ZNF713: variants seen among roughly 807,000 people sequenced by gnomAD.
ZNF713 encodes zinc finger protein 713.
ZNF713 carries 21 observed loss-of-function variants against 28.7 expected under a neutral mutation model. That is an observed-to-expected ratio of 0.73 (90% confidence interval 0.52 to 1.05). The LOEUF (loss-of-function observed/expected upper bound fraction) is 1.05. Among genes scored for constraint, ZNF713 ranks in the 50% least tolerant of loss-of-function variants. ZNF713 has a pLI of 0.00. For synonymous variants in ZNF713, 167 were observed against 178.0 expected (o/e 0.94, Z 0.49); for missense variants, 458 against 532.4 (o/e 0.86, Z 1.37).
chr7:55,919,490 G>GTTTTTTTTGTTTTTTTTT (rs1785945405), intron 4 of ZNF713, among the ~76,000 whole-genome samples: 4 of 66,772 alleles, frequency 6.0e-5, no homozygotes, highest in African/African-American at 2.0e-4. Context: ...AAACACTCCA[G>GTTTTTTTTGTTTTTTTTT]TTTTTTTTTT....
chr7:55,933,474 T>C (rs1382687624), intron 6 of ZNF713, among the ~76,000 whole-genome samples: 1 of 151,746 alleles, frequency 6.6e-6, no homozygotes, highest in African/African-American at 2.4e-5. Context: ...TTTTTGTATT[T>C]TTAGTAGAGA....
At chr7:55,916,301 ATTC>A (rs1480033506) in intron 4 of ZNF713, among the ~76,000 whole-genome samples, 1 of 152,182 alleles carries the variant, frequency 6.6e-6, no homozygotes, top group East Asian at 1.9e-4. Context: ...TCCTGGCCTC[ATTC>A]TTCTTCCTTA....
intron 4 of ZNF713, among the ~76,000 whole-genome samples, chr7:55,922,487 G>A (rs1306700130): frequency 6.6e-6 from 1 of 150,902 alleles, no homozygotes; most frequent in Non-Finnish European, 1.5e-5. Context: ...GCAGTGAGCC[G>A]AGATTGCGGC....
intron 6 of ZNF713, among the ~76,000 whole-genome samples, chr7:55,932,885 C>T (rs1484463528): frequency 1.8e-4 from 5 of 28,010 alleles, no homozygotes; most frequent in Non-Finnish European, 2.2e-4. Flanking sequence ...AGCGAGACTC[C>T]GTCTCAAAAA....
chr7:55,902,180 G>A (rs775719003), intron 1 of ZNF713, among the ~76,000 whole-genome samples: 2 of 151,868 alleles, frequency 1.3e-5, no homozygotes, highest in Non-Finnish European at 2.9e-5. Context: ...GACAGAGTGA[G>A]ACTCCATCTC....
intron 2 of ZNF713, among the ~76,000 whole-genome samples, chr7:55,908,625 T>C (rs1352034797): frequency 1.3e-5 from 2 of 152,084 alleles, no homozygotes; most frequent in Admixed American, 1.3e-4. Context: ...GAGTTCCTTG[T>C]AGATTCTAGA....
At chr7:55,913,373 T>C (rs1287267600) in intron 4 of ZNF713, among the ~76,000 whole-genome samples, 1 of 151,870 alleles carries the variant, frequency 6.6e-6, no homozygotes, top group Non-Finnish European at 1.5e-5. Context: ...GGCCAATTTT[T>C]TGTATTTTTA....
intron 4 of ZNF713, among the ~76,000 whole-genome samples, chr7:55,920,756 C>CTTTATTTA (rs139275645): frequency 1.0e-3 from 153 of 149,030 alleles, no homozygotes; most frequent in South Asian, 3.8e-3. Context: ...CCATCTAGGA[C>CTTTATTTA]TTTATTTATT....
intron 1 of ZNF713, among the ~76,000 whole-genome samples, chr7:55,888,733 A>ACGTACATACGTG (rs1785324901): frequency 7.5e-6 from 1 of 132,900 alleles, no homozygotes; most frequent in South Asian, 2.7e-4. Context: ...GAATACATAT[A>ACGTACATACGTG]CGTACATACA....
At chr7:55,901,378 C>T (rs1785573588) in intron 1 of ZNF713, among the ~76,000 whole-genome samples, 1 of 152,152 alleles carries the variant, frequency 6.6e-6, no homozygotes, top group Admixed American at 6.6e-5. Flanking sequence ...AGTTACCTCC[C>T]ACTGGGTCCC....
rs1786423824 is a variant in ZNF713, at chr7:55,939,646, T to C, written c.972T>C (p.Arg324=). The C allele has an allele frequency of 6.2e-7, 1 of 1,614,180 alleles. No homozygotes were observed. The highest frequency in any genetic ancestry group is 1.1e-5 in the South Asian group (1 of 91,082). The change falls in exon 7 of 7, where the codon CGT becomes CGC. Residue 324 remains arginine, a synonymous_variant. Transcript: ENST00000429591. ...GCAATGGATGTGGGAAAGCCTTCCG[T>C]CAGCATTCATCCTTTACTCAACATC... ...FICNGCGKAF[R]QHSSFTQHLR... is the part of the protein sequence containing the mutation.
At chr7:55,938,880 T>G (rs1351114523) in intron 6 of ZNF713, 102 bp from the exon 7 acceptor site, 8 of 1,233,460 alleles carry the variant, frequency 6.5e-6, no homozygotes, top group Admixed American at 5.0e-5. Flanking sequence ...TACACATTAC[T>G]GTCAGTTTTA....
intron 4 of ZNF713, among the ~76,000 whole-genome samples, chr7:55,921,126 A>G (rs1221613571): frequency 6.6e-6 from 1 of 152,186 alleles, no homozygotes; most frequent in Non-Finnish European, 1.5e-5. Flanking sequence ...GCATGACAGC[A>G]TACCTGTTTA....
At chr7:55,887,894 GGCGGC>G in intron 1 of ZNF713, among the ~76,000 whole-genome samples, 1 of 113,136 alleles carries the variant, frequency 8.8e-6, no homozygotes, top group East Asian at 2.5e-4. Flanking sequence ...GGCGGGCGGC[GGCGGC>G]GGCGGGAGGC....
At chr7:55,931,248 T>C (rs982729491) in intron 6 of ZNF713, among the ~76,000 whole-genome samples, 9 of 151,936 alleles carry the variant, frequency 5.9e-5, no homozygotes, top group African/African-American at 2.2e-4. Flanking sequence ...ATCACGTCAT[T>C]GCTCTCCAGC....
chr7:55,940,240 A>G lies in ZNF713; in HGVS notation c.*234A>G. ...TGGGTTCAAGCGATTCTCCTGCCTC[A>G]GCCTCCTGAGTAGCTGGGACCACAG... On this transcript the variant is annotated 3_prime_UTR_variant, in exon 7 of 7. Coordinates refer to ENST00000429591, the MANE Select transcript of ZNF713 (RefSeq NM_182633.3). 3.0e-6 allele frequency: 2 copies of G among 675,074 alleles called. No individual in the cohort carries two copies. Among genetic ancestry groups the G allele is most frequent in the East Asian group, 4.2e-5 (1 of 23,684 alleles). The allele number at this position is 675,074 out of a possible 1,614,324, so 41.8% of individuals were successfully genotyped here.
intron 1 of ZNF713, among the ~76,000 whole-genome samples, chr7:55,896,019 G>A (rs1319892717): frequency 6.6e-6 from 1 of 152,096 alleles, no homozygotes; most frequent in Non-Finnish European, 1.5e-5. Flanking sequence ...CAAGAGACGA[G>A]AGAGAATGAG....
In ZNF713 at chr7:55,904,531, G is replaced by A. The variant is rs1785642635; in HGVS notation, c.-582-1722G>A. ...ATGAACAACAACATAAAGGTTTTTG[G>A]TGGTCATAACCAGAGCAGTTTCAGC... On this transcript the variant is annotated intron_variant, in intron 1 of 6. Transcript: ENST00000429591. Among the ~76,000 whole-genome samples, 3 of 145,466 alleles carry A rather than the reference G, an allele frequency of 2.1e-5. No individual in the cohort carries two copies. The South Asian group carries it at 6.9e-4, about 33-fold the overall frequency.
Position 55,927,925 on chromosome 7 carries a change from C to T in ZNF713, c.307+4226C>T, listed in dbSNP as rs868116556. On this transcript the variant is annotated intron_variant, in intron 6 of 6. Coordinates refer to ENST00000429591, the MANE Select transcript of ZNF713 (RefSeq NM_182633.3). ...AAAAAAAAAAAAAAAAAAAAAGCCA[C>T]AAGAGATGGAGCAAGGTTCTAGAAG... is the stretch of plus-strand genomic sequence containing the variant. Among the ~76,000 whole-genome samples the T allele has an allele frequency of 3.0e-3, 174 of 58,832 alleles. 1 individual carries two copies. Among genetic ancestry groups the T allele is most frequent in the African/African-American group, 0.012 (164 of 13,550 alleles). The allele number at this position is 58,832 out of a possible 152,430, so 38.6% of individuals were successfully genotyped here.
Sources: allele counts gnomAD v4.1 joint callset (sites outside exome capture counted in the v4.1 genomes callset), GRCh38; gene constraint gnomAD v4.1.1; transcripts MANE v1.5; gene names NCBI Gene and HGNC (gene_info 2026-07-23, HGNC 2026-07-21).